EPS15: variants seen among roughly 807,000 people sequenced by gnomAD.
EPS15 encodes the protein epidermal growth factor receptor substrate 15.
Under a neutral mutation model 113.8 loss-of-function variants are expected in EPS15, and 72 were observed. That is an observed-to-expected ratio of 0.63 (90% CI 0.52 to 0.77). The LOEUF (loss-of-function observed/expected upper bound fraction) is 0.77. Ranked by LOEUF, EPS15 falls within the 30% of genes least tolerant of loss-of-function variation. The pLI is 0.00. For synonymous variants in EPS15, 344 were observed against 363.4 expected (o/e 0.95, Z 0.61); for missense variants, 1,048 against 1,045.8 (o/e 1.00, Z -0.03).
chr1:51,405,984 C>A lies in EPS15; in HGVS notation c.1598G>T (p.Ser533Ile), dbSNP rs779281389. ...ATDYCSLSTS[S>I]SETANLNEHV... ...TTCATTAAGGTTGGCTGTTTCACTG[C>A]TGCTGGTGCTGAGGCTGCAATAATC... Residue 533 changes from serine to isoleucine, a missense_variant, in exon 16 of 25, where the codon AGC becomes ATC. Coordinates refer to ENST00000371733, the MANE Select transcript of EPS15 (RefSeq NM_001981.3). 8.1e-6 allele frequency: 13 copies of A among 1,614,172 alleles called. 1 individual carries two copies. The South Asian group carries it at 1.4e-4, about 18-fold the overall frequency.
intron 8 of EPS15, among the ~76,000 whole-genome samples, chr1:51,454,849 GAA>G (rs532448030): frequency 1.8e-3 from 279 of 151,864 alleles, no homozygotes; most frequent in African/African-American, 6.7e-3. Flanking sequence ...GGTAAAAAGG[GAA>G]AACAGCGAAG....
In EPS15 at chr1:51,465,320, TATC is replaced by T; in HGVS notation, c.313_315del (p.Asp105del). On this transcript the variant is annotated inframe_deletion, in exon 6 of 25. Coordinates refer to ENST00000371733, the MANE Select transcript of EPS15 (RefSeq NM_001981.3). The stretch of plus-strand genomic sequence containing the variant: ...CCACTGATTAGCAAAGGACTACTGG[TATC>T]ATGCTATAGAAGAAAGTAAAGCACA... 1.9e-6 allele frequency: 3 copies of T among 1,607,240 alleles called. No homozygotes were observed. The highest frequency in any genetic ancestry group is 1.7e-4 in the Middle Eastern group (1 of 6,046).
At chr1:51,424,752 A>G (rs1651056884) in intron 12 of EPS15, among the ~76,000 whole-genome samples, 1 of 151,774 alleles carries the variant, frequency 6.6e-6, no homozygotes, top group Non-Finnish European at 1.5e-5. Flanking sequence ...AAAATACAAA[A>G]ATTAGCTGGG....
intron 12 of EPS15, among the ~76,000 whole-genome samples, chr1:51,438,622 A>G (rs1033606285): frequency 6.6e-6 from 1 of 152,194 alleles, no homozygotes; most frequent in Non-Finnish European, 1.5e-5. Context: ...TACCTACTAT[A>G]ACATGTATAT....
At chr1:51,432,879 T>A (rs185221284) in intron 12 of EPS15, among the ~76,000 whole-genome samples, 1 of 152,306 alleles carries the variant, frequency 6.6e-6, no homozygotes, top group African/African-American at 2.4e-5. Context: ...AGTAATACCA[T>A]TCTTAAGGCA....
intron 1 of EPS15, among the ~76,000 whole-genome samples, chr1:51,506,563 T>C (rs373955596): frequency 2.6e-5 from 4 of 152,090 alleles, no homozygotes; most frequent in African/African-American, 9.7e-5. Flanking sequence ...AACTTATGAA[T>C]ACTGGTACTC....
At chr1:51,396,074 T>C (rs556482121) in intron 20 of EPS15, among the ~76,000 whole-genome samples, 1 of 152,158 alleles carries the variant, frequency 6.6e-6, no homozygotes, top group Admixed American at 6.5e-5. Flanking sequence ...AATGAAGTTT[T>C]TAGAAATGAA....
chr1:51,361,187 A>C lies in EPS15; in HGVS notation c.2528T>G (p.Phe843Cys). The C allele has an allele frequency of 6.2e-7, 1 of 1,613,974 alleles. No individual in the cohort carries two copies. The highest frequency in any genetic ancestry group is 8.5e-7 in the Non-Finnish European group (1 of 1,179,850). The stretch of plus-strand genomic sequence containing the variant: ...AGTACTTACAGCACTGAAGTTGGCA[A>C]AATTGCTTGGATCAGCCTCTTTATT... ...TTNKEADPSNFANFSAYPSEE... is the reference protein window; with the variant it reads ...TTNKEADPSNCANFSAYPSEE... The change falls in exon 24 of 25, where the codon TTT becomes TGT. Residue 843 changes from phenylalanine to cysteine, a missense_variant. Coordinates refer to ENST00000371733, the MANE Select transcript of EPS15 (RefSeq NM_001981.3).
intron 9 of EPS15, among the ~76,000 whole-genome samples, chr1:51,447,772 G>T (rs535916300): frequency 6.6e-6 from 1 of 152,148 alleles, no homozygotes; most frequent in African/African-American, 2.4e-5. Flanking sequence ...GCCTAATGTA[G>T]AAGGAATATC....
At chr1:51,405,771 T>TCC in intron 16 of EPS15, 134 bp downstream of exon 16, 2 of 680,400 alleles carry the variant, frequency 2.9e-6, no homozygotes, top group Non-Finnish European at 5.1e-6. Context: ...ATTAGGACTC[T>TCC]CTGCTTCTAA....
At chr1:51,515,881 A>C (rs1360169520) in intron 1 of EPS15, among the ~76,000 whole-genome samples, 2 of 152,238 alleles carry the variant, frequency 1.3e-5, no homozygotes, top group African/African-American at 2.4e-5. Flanking sequence ...CTAATTTGTA[A>C]AACATATCGT....
intron 5 of EPS15, among the ~76,000 whole-genome samples, chr1:51,467,227 G>T (rs770088282): frequency 3.9e-5 from 6 of 152,350 alleles, no homozygotes; most frequent in Admixed American, 6.5e-5. Flanking sequence ...TTGCTGGAGG[G>T]AGGGTGAACT....
chr1:51,366,022 G>C lies in EPS15; in HGVS notation c.2127C>G (p.Asp709Glu). Residue 709 changes from aspartate (D) to glutamate (E), a missense_variant, in exon 22 of 25, where the codon GAC (aspartate) becomes GAG (glutamate). Physicochemically the swap from Asp to Glu is conservative, Grantham distance 45. Coordinates refer to ENST00000371733, the MANE Select transcript of EPS15 (RefSeq NM_001981.3). ...CATTCCCAAAAACAGAAGCAAAGGG[G>C]TCTGTGGCTAAAATGAATAAAGAAA... ...TVVAASDSATDPFASVFGNES... is the reference protein window; with the variant it reads ...TVVAASDSATEPFASVFGNES... 1 of 1,610,294 alleles carries C rather than the reference G, an allele frequency of 6.2e-7. No individual in the cohort carries two copies. The highest frequency in any genetic ancestry group is 1.1e-5 in the South Asian group (1 of 90,768).
chr1:51,368,262 A>C (rs1042095855), intron 21 of EPS15, among the ~76,000 whole-genome samples: 1 of 152,232 alleles, frequency 6.6e-6, no homozygotes, highest in Non-Finnish European at 1.5e-5. Context: ...TCTTGGACAT[A>C]AAAAGAGGAG....
chr1:51,452,480 C>T (rs924327953), intron 8 of EPS15, among the ~76,000 whole-genome samples: 7 of 151,948 alleles, frequency 4.6e-5, no homozygotes, highest in African/African-American at 1.5e-4. Context: ...ATGGGGGTCT[C>T]ACTACGTTGC....
chr1:51,420,171 C>T (rs1389060384), intron 13 of EPS15, among the ~76,000 whole-genome samples: 2 of 152,066 alleles, frequency 1.3e-5, no homozygotes, highest in Admixed American at 6.6e-5. Context: ...TAGACATACA[C>T]CTTACCATTG....
At chr1:51,501,755 AG>A (rs1290636103) in intron 1 of EPS15, among the ~76,000 whole-genome samples, 1 of 152,256 alleles carries the variant, frequency 6.6e-6, no homozygotes, top group East Asian at 1.9e-4. Context: ...CTGGGATTAC[AG>A]GTGAGAGCGG....
chr1:51,443,139 G>C (rs747421639), intron 11 of EPS15, among the ~76,000 whole-genome samples: 1 of 152,118 alleles, frequency 6.6e-6, no homozygotes, highest in Admixed American at 6.5e-5. Context: ...CTATGATCTA[G>C]TGAATGAACT....
At chr1:51,456,742 C>T (rs953561127) in intron 8 of EPS15, among the ~76,000 whole-genome samples, 1 of 152,102 alleles carries the variant, frequency 6.6e-6, no homozygotes, top group African/African-American at 2.4e-5. Flanking sequence ...AAATCAATGA[C>T]TTGCAGCTGT....
Sources: allele counts gnomAD v4.1 joint callset (sites outside exome capture counted in the v4.1 genomes callset), GRCh38; gene constraint gnomAD v4.1.1; transcripts MANE v1.5; gene names NCBI Gene and HGNC (gene_info 2026-07-23, HGNC 2026-07-21).